ENPEP: variants seen among roughly 807,000 people sequenced by gnomAD.
ENPEP encodes glutamyl aminopeptidase.
Under a neutral mutation model 114.5 loss-of-function variants are expected in ENPEP, and 103 were observed. The ratio of observed to expected loss-of-function variants is 0.90; its 90% CI spans 0.77 to 1.06. The LOEUF is 1.06. ENPEP is among the 50% of genes least tolerant of loss of function. The pLI is 0.00. For synonymous variants in ENPEP, 420 were observed against 422.0 expected, an observed-to-expected ratio of 1.00 and a Z score of 0.06; for missense variants, 1,196 against 1,161.3, an observed-to-expected ratio of 1.03 and a Z score of -0.43.
chr4:110,515,356 G>A (rs183646371), intron 7 of ENPEP, 21 bp from the exon 8 acceptor site: 1 of 1,596,452 alleles, frequency 6.3e-7, no homozygotes, highest in East Asian at 2.2e-5. Flanking sequence ...AGTTTCATTT[G>A]TCTTTTTATC....
At chr4:110,504,811 A>G (rs944314235) in intron 3 of ENPEP, among the ~76,000 whole-genome samples, 15 of 152,244 alleles carry the variant, frequency 9.9e-5, no homozygotes, top group African/African-American at 3.4e-4. Flanking sequence ...GACATGGGAA[A>G]TGAGAAAATA....
At position 110,559,666 on chromosome 4, in the gene ENPEP, A is replaced by C; in HGVS notation, c.2662A>C (p.Asn888His). The C allele has an allele frequency of 6.2e-7, 1 of 1,613,668 alleles. No homozygotes were observed. The highest frequency in any genetic ancestry group is 1.1e-5 in the South Asian group (1 of 91,070). Reference sequence around the variant, plus strand: ...CTCCAGATATACACTCAATAACAGAAACCTTGGCCGAATTGTCACAATAGC... The same window carrying C: ...CTCCAGATATACACTCAATAACAGACACCTTGGCCGAATTGTCACAATAGC... ...LVNRYTLNNR[N>H]LGRIVTIAEP... Residue 888 changes from asparagine to histidine, a missense_variant, in exon 19 of 20, where the codon AAC becomes CAC. Coordinates refer to ENST00000265162, the MANE Select transcript of ENPEP (RefSeq NM_001977.4).
At chr4:110,538,926 G>C (rs768581407) in intron 11 of ENPEP, among the ~76,000 whole-genome samples, 1 of 152,118 alleles carries the variant, frequency 6.6e-6, no homozygotes, top group Non-Finnish European at 1.5e-5. Flanking sequence ...GGAATGGCCA[G>C]CTGGTGGAGC....
At chr4:110,529,422 ACT>A (rs1345575828) in intron 10 of ENPEP, among the ~76,000 whole-genome samples, 2 of 152,158 alleles carry the variant, frequency 1.3e-5, no homozygotes, top group Non-Finnish European at 2.9e-5. Context: ...TGTGAAAGTG[ACT>A]TGTTAGAAAG....
At chr4:110,542,147 C>T (rs186729593) in intron 11 of ENPEP, among the ~76,000 whole-genome samples, 1 of 152,182 alleles carries the variant, frequency 6.6e-6, no homozygotes, top group Non-Finnish European at 1.5e-5. Context: ...AAGTCGATTA[C>T]AAAATCAAGA....
chr4:110,535,344 G>A (rs1726572395), intron 11 of ENPEP, among the ~76,000 whole-genome samples: 1 of 152,140 alleles, frequency 6.6e-6, no homozygotes, highest in Non-Finnish European at 1.5e-5. Flanking sequence ...CTAAACATCT[G>A]TGATAATTAT....
chr4:110,527,648 G>C (rs1726246787), intron 10 of ENPEP, among the ~76,000 whole-genome samples: 1 of 152,140 alleles, frequency 6.6e-6, no homozygotes, highest in South Asian at 2.1e-4. Context: ...TGGTAGTTCT[G>C]CTAACAACTA....
At chr4:110,519,641 A>C in intron 8 of ENPEP, 3 of 168,716 alleles carry the variant, frequency 1.8e-5, no homozygotes, top group Admixed American at 5.7e-5. Flanking sequence ...CACCACCACC[A>C]TCATCATCAT....
Position 110,548,182 on chromosome 4 carries a change from A to C in ENPEP, c.2007A>C (p.Gln669His). 8.1e-7 allele frequency: 1 copy of C among 1,241,450 alleles called. No individual in the cohort carries two copies. The highest frequency in any genetic ancestry group is 2.7e-4 in the Middle Eastern group (1 of 3,716). 76.9% of individuals were successfully genotyped at this position (1,241,450 alleles called of 1,614,324 possible). A position where few individuals can be genotyped will look rare whatever the true frequency, so the allele number is the denominator to read the frequency against. Residue 669 changes from glutamine (Q) to histidine (H), a missense_variant, in exon 14 of 20, where the codon CAA (glutamine) becomes CAC (histidine). Gln to His is a conservative substitution (Grantham distance 24). Transcript: ENST00000265162. ...IDDAFALARA[Q>H]LLDYKVALNL... The stretch of plus-strand genomic sequence containing the variant: ...TTTTTTTTGTCTTTCTCAGAGCTCA[A>C]CTTCTAGATTATAAGGTGGCTTTGA...
chr4:110,526,682 A>G (rs556989186), intron 10 of ENPEP, among the ~76,000 whole-genome samples: 1 of 152,300 alleles, frequency 6.6e-6, no homozygotes, highest in African/African-American at 2.4e-5. Flanking sequence ...TACATTTTTC[A>G]AAGCTCTCCT....
Position 110,553,358 on chromosome 4 carries a change from G to A in ENPEP, c.2545G>A (p.Asp849Asn). The A allele has an allele frequency of 6.2e-7, 1 of 1,606,914 alleles. No individual in the cohort carries two copies. Among genetic ancestry groups the A allele is most frequent in the South Asian group, 1.1e-5 (1 of 90,024 alleles). Residue 849 changes from aspartate to asparagine, a missense_variant, in exon 18 of 20, where the codon GAT becomes AAT. By Grantham distance (23) the Asp-to-Asn change is conservative. Coordinates refer to ENST00000265162, the MANE Select transcript of ENPEP (RefSeq NM_001977.4). ...GGACACGAACCTTATTAAAACTCAG[G>A]ATGTGTTTACAGTCATTCGATATAT... The part of the protein sequence containing the change: ...LKDTNLIKTQ[D>N]VFTVIRYISY...
chr4:110,565,113 C>T lies in ENPEP; in HGVS notation c.*3555C>T, dbSNP rs999511395. 1 of 152,208 alleles carries T rather than the reference C, an allele frequency of 6.6e-6. No individual in the cohort carries two copies. The highest frequency in any genetic ancestry group is 2.4e-5 in the African/African-American group (1 of 41,446). The allele number at this position is 152,208 out of a possible 1,614,324, so 9.4% of individuals were successfully genotyped here. On this transcript the variant is annotated 3_prime_UTR_variant, in exon 20 of 20. Transcript: ENST00000265162. ...CTTTCTCCTCCTCCTTCCTCTACTTCAGGGTTTAGCGACCTTTTGCCTGCC... is the reference window on the plus strand; with the variant it reads ...CTTTCTCCTCCTCCTTCCTCTACTTTAGGGTTTAGCGACCTTTTGCCTGCC...
chr4:110,558,716 T>C (rs1367375568), intron 18 of ENPEP, among the ~76,000 whole-genome samples: 1 of 152,240 alleles, frequency 6.6e-6, no homozygotes, highest in Non-Finnish European at 1.5e-5. Context: ...GCACTGTGAT[T>C]AGTTGTGATG....
Position 110,549,769 on chromosome 4 carries a change from G to A in ENPEP, c.2384G>A (p.Gly795Asp). 6.2e-7 allele frequency: 1 copy of A among 1,613,356 alleles called. No individual in the cohort carries two copies. The highest frequency in any genetic ancestry group is 8.5e-7 in the Non-Finnish European group (1 of 1,179,574). Residue 795 changes from glycine to aspartate, a missense_variant, in exon 17 of 20, where the codon GGC becomes GAC. Coordinates refer to ENST00000265162, the MANE Select transcript of ENPEP (RefSeq NM_001977.4). ...LVYRYGMQNS[G>D]NEISWNYTLE... is the part of the protein sequence containing the mutation. ...TATCGGTATGGGATGCAGAACTCTG[G>A]CAATGAGATTTCATGGAACTACACT...
intron 11 of ENPEP, among the ~76,000 whole-genome samples, chr4:110,537,600 C>T (rs1726686144): frequency 6.6e-6 from 1 of 152,188 alleles, no homozygotes; most frequent in Non-Finnish European, 1.5e-5. Context: ...TCAATTTCTT[C>T]CAAACTCCTG....
chr4:110,502,744 T>C (rs1725209159), intron 3 of ENPEP, among the ~76,000 whole-genome samples: 1 of 152,202 alleles, frequency 6.6e-6, no homozygotes, highest in South Asian at 2.1e-4. Flanking sequence ...AAAATTACCT[T>C]GGCAATTATA....
At position 110,542,712 on chromosome 4, in the gene ENPEP, G is replaced by A. The variant is rs375918483; in HGVS notation, c.1808-39G>A. 21 of 1,569,158 alleles carry A rather than the reference G, an allele frequency of 1.3e-5. No individual in the cohort carries two copies. The African/African-American group carries it at 2.3e-4, about 17-fold the overall frequency. On this transcript the variant is annotated intron_variant, in intron 11 of 19. Coordinates refer to ENST00000265162, the MANE Select transcript of ENPEP (RefSeq NM_001977.4). ...TAATTTCTCTGTGTTGACAGTGCATGCAAACATGTTGCTCATTAGTGTTTA... is the reference window on the plus strand; with the variant it reads ...TAATTTCTCTGTGTTGACAGTGCATACAAACATGTTGCTCATTAGTGTTTA...
Position 110,562,373 on chromosome 4 carries a change from T to C in ENPEP, c.*815T>C, listed in dbSNP as rs1185326732. The C allele has an allele frequency of 6.6e-6, 1 of 152,162 alleles. No individual in the cohort carries two copies. Among genetic ancestry groups the C allele is most frequent in the Non-Finnish European group, 1.5e-5 (1 of 68,014 alleles). 9.4% of individuals were successfully genotyped at this position (152,162 alleles called of 1,614,324 possible). ...TTACAAAGCTCCTTCAAATATGCTA[T>C]GAAATTAGAGGGAACATAGTGCTTA... is the stretch of plus-strand genomic sequence containing the variant. On this transcript the variant is annotated 3_prime_UTR_variant, in exon 20 of 20. Transcript: ENST00000265162.
intron 11 of ENPEP, 31 bp downstream of exon 11, chr4:110,531,308 T>TTGAA (rs1726398331): frequency 7.2e-7 from 1 of 1,380,758 alleles, no homozygotes; most frequent in Non-Finnish European, 9.7e-7. Context: ...TATTTCTTCT[T>TTGAA]TGAATTGATG....
Sources: allele counts gnomAD v4.1 joint callset (sites outside exome capture counted in the v4.1 genomes callset), GRCh38; gene constraint gnomAD v4.1.1; transcripts MANE v1.5; gene names NCBI Gene and HGNC (gene_info 2026-07-23, HGNC 2026-07-21).